The following AGAP1 variants were observed in gnomAD, a reference collection of about 807,000 sequenced individuals.
AGAP1 encodes ArfGAP with GTPase domain, ankyrin repeat and PH domain 1, also known as arf-GAP with GTPase, ANK repeat and PH domain-containing protein 1.
A neutral mutation model predicts 105.3 loss-of-function variants in AGAP1; 29 were observed. The observed-to-expected ratio is 0.28, with a 90% CI of 0.21 to 0.38. The LOEUF is 0.38. Among genes scored for constraint, AGAP1 ranks in the 10% least tolerant of loss-of-function variants. The pLI is 1.00. For synonymous variants in AGAP1, 509 were observed against 485.9 expected (o/e 1.05, Z -0.63); for missense variants, 998 against 1,165.1 (o/e 0.86, Z 2.09).
chr2:236,038,480 C>A lies in AGAP1; in HGVS notation c.1800+1765C>A, dbSNP rs769017742. Among the ~76,000 whole-genome samples, 26 of 152,202 alleles carry A rather than the reference C, an allele frequency of 1.7e-4. No homozygotes were observed. The highest frequency in any genetic ancestry group is 3.5e-4 in the Non-Finnish European group (24 of 68,030). ...TGTCTCAGCTCATGCACACACCAGCCTTAGAATGCTGCCCTCGGCCCTCAC... is the reference window on the plus strand; with the variant it reads ...TGTCTCAGCTCATGCACACACCAGCATTAGAATGCTGCCCTCGGCCCTCAC... On this transcript the variant is annotated intron_variant, in intron 14 of 17. Transcript: ENST00000304032. This position sits in a 1 kb window ranked among gnomAD's most constrained non-coding sequence, Gnocchi z 4.5.
chr2:235,552,880 G>C lies in AGAP1; in HGVS notation c.163+58031G>C, dbSNP rs1337801865. 6.6e-6 allele frequency among the ~76,000 whole-genome samples: 1 copy of C among 152,200 alleles called. No homozygotes were observed. Among genetic ancestry groups the C allele is most frequent in the East Asian group, 1.9e-4 (1 of 5,192 alleles). ...TCTGCAGAGCATTGGAGGCCTTGTT[G>C]TGGGCTCAAGGAGTGCAGAGAGGCA... On this transcript the variant is annotated intron_variant, in intron 1 of 17. Transcript: ENST00000304032. This position sits in a 1 kb window ranked among gnomAD's most constrained non-coding sequence, Gnocchi z 5.9.
In AGAP1 at chr2:235,596,971, T is replaced by C. The variant is rs1172018594; in HGVS notation, c.163+102122T>C. Reference sequence around the variant, plus strand: ...GGAAGAGGCCTCACCAGGAACCAAATTGACCAGTACCTTGAACTTGGACTT... The same window carrying C: ...GGAAGAGGCCTCACCAGGAACCAAACTGACCAGTACCTTGAACTTGGACTT... On this transcript the variant is annotated intron_variant, in intron 1 of 17. Coordinates refer to ENST00000304032, the MANE Select transcript of AGAP1 (RefSeq NM_001037131.3). The surrounding 1 kb of genome is among the most constrained non-coding windows in gnomAD (Gnocchi z 5.9). 1.3e-5 allele frequency among the ~76,000 whole-genome samples: 2 copies of C among 152,178 alleles called. No homozygotes were observed.
Position 235,633,192 on chromosome 2 carries a change from G to T in AGAP1, c.164-75987G>T, listed in dbSNP as rs546267602. ...TACATTTACTTGATCCTGGTTTTAC[G>T]GCATGCGGGAGCCTACGGAATGAAG... On this transcript the variant is annotated intron_variant, in intron 1 of 17. Transcript: ENST00000304032. The surrounding 1 kb of genome is among the most constrained non-coding windows in gnomAD (Gnocchi z 4.8). 6.6e-6 allele frequency among the ~76,000 whole-genome samples: 1 copy of T among 152,092 alleles called. No individual in the cohort carries two copies. Among genetic ancestry groups the T allele is most frequent in the Non-Finnish European group, 1.5e-5 (1 of 68,032 alleles).
At position 235,936,394 on chromosome 2, in the gene AGAP1, G is replaced by A. The variant is rs145748613; in HGVS notation, c.1483+5471G>A. On this transcript the variant is annotated intron_variant, in intron 12 of 17. Transcript: ENST00000304032. The surrounding 1 kb of genome is among the most constrained non-coding windows in gnomAD (Gnocchi z 4.7). ...TAGACTCTGTGGTTATAAAGCAGCCGATCCTCAATGGAAAGCATTTGAGTT... is the reference window on the plus strand; with the variant it reads ...TAGACTCTGTGGTTATAAAGCAGCCAATCCTCAATGGAAAGCATTTGAGTT... 6.5e-3 allele frequency among the ~76,000 whole-genome samples: 992 copies of A among 152,266 alleles called. 8 individuals carry two copies. The highest frequency in any genetic ancestry group is 0.022 in the African/African-American group (908 of 41,528).
Position 235,550,368 on chromosome 2 carries a change from A to G in AGAP1, c.163+55519A>G, listed in dbSNP as rs1005546309. On this transcript the variant is annotated intron_variant, in intron 1 of 17. Coordinates refer to ENST00000304032, the MANE Select transcript of AGAP1 (RefSeq NM_001037131.3). The surrounding 1 kb of genome is among the most constrained non-coding windows in gnomAD (Gnocchi z 4.6). ...TGCCTTTTGAGCTCTTCATAAAATC[A>G]CTGCCAGTGACTTCTCATAGCTGTT... Among the ~76,000 whole-genome samples the G allele has an allele frequency of 6.6e-6, 1 of 152,160 alleles. No individual in the cohort carries two copies. Among genetic ancestry groups the G allele is most frequent in the Admixed American group, 6.5e-5 (1 of 15,288 alleles).
intron 1 of AGAP1, among the ~76,000 whole-genome samples, chr2:235,630,164 G>A (rs1351775358): frequency 6.6e-6 from 1 of 151,914 alleles, no homozygotes; most frequent in Non-Finnish European, 1.5e-5. Context: ...AAAACCCAGG[G>A]AGCTATCACA....
At chr2:235,544,565 TCCTC>T (rs1298435030) in intron 1 of AGAP1, among the ~76,000 whole-genome samples, 1 of 152,186 alleles carries the variant, frequency 6.6e-6, no homozygotes, top group African/African-American at 2.4e-5. Context: ...CGGAGCCCCT[TCCTC>T]TATTATGCAC....
At chr2:236,018,654 C>CA (rs2056788439) in intron 13 of AGAP1, among the ~76,000 whole-genome samples, 1 of 152,192 alleles carries the variant, frequency 6.6e-6, no homozygotes, top group Admixed American at 6.5e-5. Context: ...CTTGGGATGC[C>CA]AAGCCCATTC....
intron 1 of AGAP1, among the ~76,000 whole-genome samples, chr2:235,536,677 A>ACACC (rs1559231815): frequency 1.7e-5 from 2 of 115,938 alleles, no homozygotes; most frequent in East Asian, 2.5e-4. Context: ...ACACACACAC[A>ACACC]CCCCTTGCTT....
At chr2:236,023,586 G>A (rs1465546503) in intron 13 of AGAP1, among the ~76,000 whole-genome samples, 2 of 152,150 alleles carry the variant, frequency 1.3e-5, no homozygotes, top group Non-Finnish European at 2.9e-5. Flanking sequence ...AAGGTCAGGA[G>A]TGGAGAAGAT....
Position 235,799,890 on chromosome 2 carries a change from T to C in AGAP1, c.957+368T>C, listed in dbSNP as rs1361475165. On this transcript the variant is annotated intron_variant, in intron 8 of 17. Transcript: ENST00000304032. The surrounding 1 kb of genome is among the most constrained non-coding windows in gnomAD (Gnocchi z 5.0). ...AACCGTTCAGATGATATATAAGCTA[T>C]TACTGTCCACAGGCCCTCTTCTTCT... is the stretch of plus-strand genomic sequence containing the variant. Among the ~76,000 whole-genome samples, 2 of 152,004 alleles carry C rather than the reference T, an allele frequency of 1.3e-5. No individual in the cohort carries two copies. Among genetic ancestry groups the C allele is most frequent in the African/African-American group, 4.8e-5 (2 of 41,392 alleles).
In AGAP1 at chr2:235,830,822, C is replaced by T. The variant is rs936792999; in HGVS notation, c.1050+23491C>T. On this transcript the variant is annotated intron_variant, in intron 9 of 17. Transcript: ENST00000304032. The surrounding 1 kb of genome is among the most constrained non-coding windows in gnomAD (Gnocchi z 5.5). ...GGATGCTGTTGATAGCCTCATTCTTCTCAGGTCCACCTGTCGGTAGGCCCA... is the reference window on the plus strand; with the variant it reads ...GGATGCTGTTGATAGCCTCATTCTTTTCAGGTCCACCTGTCGGTAGGCCCA... Among the ~76,000 whole-genome samples the T allele has an allele frequency of 6.6e-6, 1 of 152,180 alleles. No individual in the cohort carries two copies. Among genetic ancestry groups the T allele is most frequent in the Admixed American group, 6.5e-5 (1 of 15,286 alleles).
intron 16 of AGAP1, among the ~76,000 whole-genome samples, chr2:236,106,470 A>G (rs760476901): frequency 2.0e-5 from 3 of 152,360 alleles, no homozygotes; most frequent in Middle Eastern, 6.8e-3. Context: ...TGACTCGGCT[A>G]GCCCCTGCCC....
intron 1 of AGAP1, among the ~76,000 whole-genome samples, chr2:235,538,313 C>G (rs1943307477): frequency 6.6e-6 from 1 of 152,094 alleles, no homozygotes; most frequent in African/African-American, 2.4e-5. Context: ...AAAAGAGCAT[C>G]TTATTTTTAT....
chr2:235,715,086 C>T (rs915417543), intron 2 of AGAP1, among the ~76,000 whole-genome samples: 2 of 152,198 alleles, frequency 1.3e-5, no homozygotes, highest in African/African-American at 2.4e-5. Context: ...CGTGAGCCAC[C>T]GTGCCCAGCC....
At chr2:235,529,680 C>T (rs892090920) in intron 1 of AGAP1, among the ~76,000 whole-genome samples, 2 of 152,228 alleles carry the variant, frequency 1.3e-5, no homozygotes, top group African/African-American at 4.8e-5. Flanking sequence ...GATGACCTCC[C>T]ATGTGAGGTG....
At chr2:235,568,666 A>C (rs1030584096) in intron 1 of AGAP1, among the ~76,000 whole-genome samples, 1 of 152,252 alleles carries the variant, frequency 6.6e-6, no homozygotes, top group South Asian at 2.1e-4. Context: ...AGATTACAAC[A>C]TACTTAGTGG....
At chr2:235,991,910 A>C (rs1034359759) in intron 13 of AGAP1, among the ~76,000 whole-genome samples, 1 of 152,228 alleles carries the variant, frequency 6.6e-6, no homozygotes, top group African/African-American at 2.4e-5. Context: ...GAAAAAAGTA[A>C]AAGATTCGCT....
chr2:235,724,768 C>G lies in AGAP1; in HGVS notation c.310+7124C>G, dbSNP rs1049393084. ...GGGTGAGATTAGGCTCGACAGTTCC[C>G]TAACTCAGGAAAGTCGAGTTTCTGA... On this transcript the variant is annotated intron_variant, in intron 3 of 17. Transcript: ENST00000304032. This position sits in a 1 kb window ranked among gnomAD's most constrained non-coding sequence, Gnocchi z 4.9. Among the ~76,000 whole-genome samples the G allele has an allele frequency of 2.0e-5, 3 of 151,814 alleles. No homozygotes were observed. Among genetic ancestry groups the G allele is most frequent in the Admixed American group, 6.6e-5 (1 of 15,226 alleles).
Sources: allele counts gnomAD v4.1 joint callset (sites outside exome capture counted in the v4.1 genomes callset), GRCh38; gene constraint gnomAD v4.1.1; non-coding constraint Gnocchi (gnomAD v3.1); transcripts MANE v1.5; gene names NCBI Gene and HGNC (gene_info 2026-07-23, HGNC 2026-07-21).